The following ERI1 variants were observed in gnomAD, a reference collection of about 807,000 sequenced individuals.
The protein encoded by ERI1 is 3'-5' exoribonuclease 1.
A neutral mutation model predicts 39.7 loss-of-function variants in ERI1; 39 were observed. The observed-to-expected ratio is 0.98, with a 90% CI of 0.76 to 1.28. The LOEUF (loss-of-function observed/expected upper bound fraction) is 1.28. ERI1 is among the 50% of genes most tolerant of loss of function. ERI1 has a pLI of 0.00. For missense variants in ERI1, 581 were observed against 416.9 expected, an observed-to-expected ratio of 1.39 and a Z score of -3.43; for synonymous variants, 204 against 149.6, an observed-to-expected ratio of 1.36 and a Z score of -2.65.
At chr8:9,072,243 G>A (rs1799076050) in intron 3 of ERI1, among the ~76,000 whole-genome samples, 1 of 152,100 alleles carries the variant, frequency 6.6e-6, no homozygotes, top group Non-Finnish European at 1.5e-5. Context: ...TTGCCGTGTT[G>A]AGTCTTGTTT....
At chr8:9,097,400 C>T (rs1008013384) in intron 3 of ERI1, among the ~76,000 whole-genome samples, 1 of 152,132 alleles carries the variant, frequency 6.6e-6, no homozygotes, top group African/African-American at 2.4e-5. Context: ...CGGTGGCTCA[C>T]GCCTGTAATC....
At chr8:9,015,368 T>G (rs945324432) in intron 3 of ERI1, among the ~76,000 whole-genome samples, 1 of 152,166 alleles carries the variant, frequency 6.6e-6, no homozygotes, top group African/African-American at 2.4e-5. Flanking sequence ...AAAATTGTCC[T>G]TAATCTCAAA....
chr8:9,036,484 A>G (rs1797848486), downstream of ERI1, among the ~76,000 whole-genome samples: 1 of 152,178 alleles, frequency 6.6e-6, no homozygotes, highest in African/African-American at 2.4e-5. Flanking sequence ...TTTAAGGTAT[A>G]TATGTATTTT....
chr8:9,088,768 A>C (rs183556967), intron 3 of ERI1, among the ~76,000 whole-genome samples: 54 of 152,304 alleles, frequency 3.5e-4, no homozygotes, highest in Admixed American at 3.5e-3. Flanking sequence ...ATTTCAGAGA[A>C]TCCACCTCAT....
At chr8:9,016,435 T>C in intron 4 of ERI1, 30 bp downstream of exon 4, 2 of 1,359,468 alleles carry the variant, frequency 1.5e-6, no homozygotes, top group African/African-American at 3.0e-5. Context: ...CTTTCTAGAG[T>C]TTGAAAGAGT....
intron 5 of ERI1, among the ~76,000 whole-genome samples, chr8:9,019,006 G>C (rs1331587957): frequency 1.3e-5 from 2 of 151,776 alleles, no homozygotes; most frequent in South Asian, 2.1e-4. Context: ...TATAATCTTT[G>C]TGTACATACA....
At chr8:9,088,601 C>T (rs1799605946) in intron 3 of ERI1, 1 of 152,126 alleles carries the variant, frequency 6.6e-6, no homozygotes, top group African/African-American at 2.4e-5. Context: ...GCCCATCCAC[C>T]CATTTATAAG....
At chr8:9,018,509 C>T (rs1478297619) in intron 5 of ERI1, 103 bp downstream of exon 5, 5 of 651,508 alleles carry the variant, frequency 7.7e-6, no homozygotes, top group Non-Finnish European at 1.3e-5. Flanking sequence ...TATTAGAGAC[C>T]CTAGAGTCTC....
chr8:9,094,743 G>T (rs1255254888), intron 3 of ERI1, among the ~76,000 whole-genome samples: 3 of 152,158 alleles, frequency 2.0e-5, no homozygotes. Flanking sequence ...TGTAGGACGG[G>T]CCCTTCCCTA....
intron 3 of ERI1, among the ~76,000 whole-genome samples, chr8:9,073,630 A>C (rs1203444124): frequency 6.6e-6 from 1 of 152,226 alleles, no homozygotes; most frequent in Non-Finnish European, 1.5e-5. Context: ...GGAGAAAAAT[A>C]ATTTTAAAAT....
chr8:9,096,584 C>A (rs948276807), intron 3 of ERI1, among the ~76,000 whole-genome samples: 1 of 151,912 alleles, frequency 6.6e-6, no homozygotes, highest in African/African-American at 2.4e-5. Flanking sequence ...GGGCTGACCT[C>A]GGAAGTGTGG....
chr8:9,018,906 G>A (rs574036350), intron 5 of ERI1, among the ~76,000 whole-genome samples: 54 of 152,200 alleles, frequency 3.5e-4, no homozygotes, highest in Non-Finnish European at 6.6e-4. Context: ...GTTTTACCCT[G>A]ACAACGCCAT....
chr8:9,056,485 T>G (rs546053454), intron 3 of ERI1, among the ~76,000 whole-genome samples: 1 of 152,178 alleles, frequency 6.6e-6, no homozygotes, highest in Non-Finnish European at 1.5e-5. Flanking sequence ...GTTTTCAAGT[T>G]TGGCTTTTAT....
At chr8:9,066,958 G>C (rs1312672871) in intron 3 of ERI1, among the ~76,000 whole-genome samples, 1 of 152,212 alleles carries the variant, frequency 6.6e-6, no homozygotes, top group Non-Finnish European at 1.5e-5. Flanking sequence ...CAATGTGGCA[G>C]ATGGGAATAA....
At chr8:9,007,475 G>T (rs1158200780) in intron 1 of ERI1, among the ~76,000 whole-genome samples, 8 of 152,196 alleles carry the variant, frequency 5.3e-5, no homozygotes, top group African/African-American at 1.9e-4. Flanking sequence ...TGTATAGCCT[G>T]TGATATTAAT....
At chr8:9,061,287 T>C (rs1160804059) in intron 3 of ERI1, among the ~76,000 whole-genome samples, 5 of 151,936 alleles carry the variant, frequency 3.3e-5, no homozygotes, top group Non-Finnish European at 7.4e-5. Context: ...GTTATGAGGG[T>C]CAGATGTGGT....
chr8:9,029,519 T>C (rs1797433834), intron 6 of ERI1, among the ~76,000 whole-genome samples: 1 of 152,036 alleles, frequency 6.6e-6, no homozygotes, highest in African/African-American at 2.4e-5. Flanking sequence ...TAAGAAGAGA[T>C]GGGGTGTCAC....
At chr8:9,076,872 G>T (rs1799226348) in intron 3 of ERI1, among the ~76,000 whole-genome samples, 1 of 152,214 alleles carries the variant, frequency 6.6e-6, no homozygotes, top group Admixed American at 6.5e-5. Context: ...CACCTTTGAA[G>T]GAGCTCTCTG....
At chr8:9,057,906 G>A (rs903825741) in intron 3 of ERI1, among the ~76,000 whole-genome samples, 1 of 152,128 alleles carries the variant, frequency 6.6e-6, no homozygotes, top group African/African-American at 2.4e-5. Context: ...AAACCAGGAA[G>A]GCCGAAACGG....
Sources: allele counts gnomAD v4.1 joint callset (sites outside exome capture counted in the v4.1 genomes callset), GRCh38; gene constraint gnomAD v4.1.1; transcripts MANE v1.5; gene names NCBI Gene and HGNC (gene_info 2026-07-23, HGNC 2026-07-21).